Variants in SEMA4D observed in about 807,000 individuals in gnomAD.
SEMA4D encodes the protein semaphorin-4D.
SEMA4D carries 22 observed loss-of-function variants against 74.8 expected under a neutral mutation model. The observed-to-expected ratio is 0.29, with a 90% CI of 0.21 to 0.42. The LOEUF (loss-of-function observed/expected upper bound fraction) is 0.42, where lower values mean the gene tolerates loss of function less well. Ranked by LOEUF, SEMA4D falls within the 10% of genes least tolerant of loss-of-function variation. SEMA4D has a pLI of 1.00. For missense variants in SEMA4D, 937 were observed against 1,118.4 expected, an observed-to-expected ratio of 0.84 and a Z score of 2.31; for synonymous variants, 445 against 463.7, an observed-to-expected ratio of 0.96 and a Z score of 0.52.
intron 1 of SEMA4D, among the ~76,000 whole-genome samples, chr9:89,477,479 C>T (rs1429240352): frequency 6.6e-6 from 1 of 152,214 alleles, no homozygotes; most frequent in Non-Finnish European, 1.5e-5. Flanking sequence ...GAGACCTCCA[C>T]TGAAGGCCCC....
chr9:89,423,654 C>T (rs909972566), intron 2 of SEMA4D, among the ~76,000 whole-genome samples: 3 of 152,060 alleles, frequency 2.0e-5, no homozygotes, highest in Admixed American at 1.3e-4. Flanking sequence ...AGCTGTGTGA[C>T]CCAGAACAGG....
At chr9:89,436,933 C>T (rs1456544696) in intron 2 of SEMA4D, among the ~76,000 whole-genome samples, 1 of 152,244 alleles carries the variant, frequency 6.6e-6, no homozygotes, top group Non-Finnish European at 1.5e-5. Flanking sequence ...GAGGTGAAGT[C>T]CCGAGGAAGC....
chr9:89,452,862 A>G (rs1218563030), intron 2 of SEMA4D, among the ~76,000 whole-genome samples: 2 of 152,200 alleles, frequency 1.3e-5, no homozygotes, highest in African/African-American at 2.4e-5. Context: ...GCCAGGCTTC[A>G]GAGAGGAAAG....
At chr9:89,397,477 G>A (rs1450981626) in intron 5 of SEMA4D, among the ~76,000 whole-genome samples, 1 of 152,222 alleles carries the variant, frequency 6.6e-6, no homozygotes, top group Non-Finnish European at 1.5e-5. Flanking sequence ...AGAGCCTGGA[G>A]CCCGGCTTGG....
At chr9:89,469,516 A>G (rs1369648604) in intron 1 of SEMA4D, among the ~76,000 whole-genome samples, 1 of 152,214 alleles carries the variant, frequency 6.6e-6, no homozygotes, top group Non-Finnish European at 1.5e-5. Context: ...AGATGCAAAA[A>G]TCCTCAACCA....
chr9:89,362,543 C>CTGT (rs1231850190), intron 18 of SEMA4D: 2 of 1,571,264 alleles, frequency 1.3e-6, no homozygotes, highest in East Asian at 4.5e-5. Context: ...CCTCAGCCCC[C>CTGT]TGTTGTGGTT....
Position 89,387,618 on chromosome 9 carries a change from G to T in SEMA4D, c.1108-10C>A. ...CCTCGCTGTCGATGCACTGCAGGGAGAAAATCCCCGCTGTTAACGTGCTCG... is the reference window on the plus strand; with the variant it reads ...CCTCGCTGTCGATGCACTGCAGGGATAAAATCCCCGCTGTTAACGTGCTCG... On this transcript the variant is annotated splice_polypyrimidine_tract_variant and intron_variant, in intron 11 of 15. Coordinates refer to ENST00000422704, the MANE Select transcript of SEMA4D (RefSeq NM_001371194.2). The T allele has an allele frequency of 1.2e-6, 2 of 1,612,382 alleles. No homozygotes were observed. Among genetic ancestry groups the T allele is most frequent in the Non-Finnish European group, 1.7e-6 (2 of 1,178,926 alleles).
intron 1 of SEMA4D, among the ~76,000 whole-genome samples, chr9:89,476,372 A>T (rs1861749683): frequency 6.6e-6 from 1 of 152,226 alleles, no homozygotes; most frequent in African/African-American, 2.4e-5. Flanking sequence ...GTGCCACAGT[A>T]CCCAGATATC....
At chr9:89,370,145 T>C (rs1834327112) in intron 16 of SEMA4D, among the ~76,000 whole-genome samples, 1 of 151,400 alleles carries the variant, frequency 6.6e-6, no homozygotes, top group African/African-American at 2.4e-5. Flanking sequence ...TGTGTGCACA[T>C]GTGCAGTGAG....
In SEMA4D at chr9:89,389,316, C is replaced by T. The variant is rs540026586; in HGVS notation, c.775-269G>A. Among the ~76,000 whole-genome samples the T allele has an allele frequency of 2.0e-5, 3 of 152,348 alleles. No homozygotes were observed. In the South Asian group the frequency reaches 6.2e-4, roughly 32 times the overall value. ...CTCACTGAAAGCTCATTTGATCGTC[C>T]ATGCCTGCCTGTGCCCAGCATTCAG... On this transcript the variant is annotated intron_variant, in intron 9 of 15. Transcript: ENST00000422704.
At chr9:89,360,792 A>G (rs1036494207) in exon 19 of SEMA4D, 1 of 152,250 alleles carries the variant, frequency 6.6e-6, no homozygotes, top group African/African-American at 2.4e-5. Context: ...TTAACTGAAC[A>G]ATGTACAACT....
At chr9:89,464,510 G>T (rs989839766) in intron 1 of SEMA4D, among the ~76,000 whole-genome samples, 2 of 152,178 alleles carry the variant, frequency 1.3e-5, no homozygotes, top group Admixed American at 6.5e-5. Context: ...CATCAATAAG[G>T]AGAGACCCCT....
At chr9:89,397,520 A>G (rs989694024) in intron 5 of SEMA4D, among the ~76,000 whole-genome samples, 2 of 152,174 alleles carry the variant, frequency 1.3e-5, no homozygotes, top group Non-Finnish European at 2.9e-5. Context: ...AAACAAAGAT[A>G]CCATTTCAGA....
At chr9:89,413,124 T>G (rs1564683394) in intron 2 of SEMA4D, among the ~76,000 whole-genome samples, 1 of 152,156 alleles carries the variant, frequency 6.6e-6, no homozygotes, top group South Asian at 2.1e-4. Context: ...CAGTGTGAAA[T>G]TGCTGCCCTT....
intron 1 of SEMA4D, among the ~76,000 whole-genome samples, chr9:89,488,791 C>T (rs1825400454): frequency 6.6e-6 from 1 of 152,134 alleles, no homozygotes; most frequent in South Asian, 2.1e-4. Context: ...ACAAAAAGCA[C>T]AAACCATTAA....
At chr9:89,370,320 T>C (rs1588096264) in intron 16 of SEMA4D, among the ~76,000 whole-genome samples, 2 of 151,724 alleles carry the variant, frequency 1.3e-5, no homozygotes, top group African/African-American at 4.9e-5. Context: ...GTCGTGTGTG[T>C]GTGTTGTGGT....
At chr9:89,441,147 C>T (rs147984203) in intron 2 of SEMA4D, among the ~76,000 whole-genome samples, 2 of 152,366 alleles carry the variant, frequency 1.3e-5, no homozygotes, top group East Asian at 3.8e-4. Flanking sequence ...TCTTATTACA[C>T]ATTGTAAACA....
intron 1 of SEMA4D, among the ~76,000 whole-genome samples, chr9:89,491,336 G>A (rs751580937): frequency 4.6e-5 from 7 of 152,186 alleles, no homozygotes; most frequent in Non-Finnish European, 1.0e-4. Flanking sequence ...TTGGGAGGCC[G>A]AGGAGGGTGG....
At chr9:89,451,730 T>C (rs1462686527) in intron 2 of SEMA4D, among the ~76,000 whole-genome samples, 1 of 151,810 alleles carries the variant, frequency 6.6e-6, no homozygotes, top group Admixed American at 6.6e-5. Context: ...ACATTGAAAA[T>C]GAAATGACAT....
Sources: allele counts gnomAD v4.1 joint callset (sites outside exome capture counted in the v4.1 genomes callset), GRCh38; gene constraint gnomAD v4.1.1; transcripts MANE v1.5; gene names NCBI Gene and HGNC (gene_info 2026-07-23, HGNC 2026-07-21).